The following SLC9A4 variants were observed in gnomAD, a reference collection of about 807,000 sequenced individuals.
SLC9A4 encodes sodium/hydrogen exchanger 4.
A neutral mutation model predicts 67.4 loss-of-function variants in SLC9A4; 63 were observed. The ratio of observed to expected loss-of-function variants is 0.93; its 90% confidence interval spans 0.76 to 1.15. The LOEUF is 1.15. Among genes scored for constraint, SLC9A4 ranks in the 50% most tolerant of loss-of-function variants. The pLI is 0.00. For synonymous variants in SLC9A4, 393 were observed against 367.2 expected, an observed-to-expected ratio of 1.07 and a Z score of -0.80; for missense variants, 1,089 against 987.7, an observed-to-expected ratio of 1.10 and a Z score of -1.38.
intron 11 of SLC9A4, among the ~76,000 whole-genome samples, chr2:102,528,511 C>G (rs1411415204): frequency 6.6e-6 from 1 of 151,982 alleles, no homozygotes; most frequent in Non-Finnish European, 1.5e-5. Context: ...AGGGATCCTC[C>G]TGCCTCGCCT....
intron 2 of SLC9A4, among the ~76,000 whole-genome samples, 195 bp from the exon 3 acceptor site, chr2:102,503,253 T>G (rs917647604): frequency 1.3e-5 from 2 of 152,258 alleles, no homozygotes; most frequent in African/African-American, 4.8e-5. Flanking sequence ...TTGTGAGTAT[T>G]ACACTTTTTA....
intron 8 of SLC9A4, among the ~76,000 whole-genome samples, chr2:102,519,469 T>A (rs1167398779): frequency 6.6e-6 from 1 of 152,238 alleles, no homozygotes; most frequent in Admixed American, 6.5e-5. Context: ...AATCATTTTT[T>A]TTCTGTTGCA....
chr2:102,520,442 G>C (rs1034110850), intron 9 of SLC9A4, among the ~76,000 whole-genome samples: 2 of 152,192 alleles, frequency 1.3e-5, no homozygotes, highest in African/African-American at 4.8e-5. Flanking sequence ...TTTGGAACTA[G>C]GTATGAAATC....
At chr2:102,506,180 A>G (rs1454250220) in intron 4 of SLC9A4, among the ~76,000 whole-genome samples, 2 of 152,250 alleles carry the variant, frequency 1.3e-5, no homozygotes, top group Non-Finnish European at 1.5e-5. Flanking sequence ...CTAGTGGCTG[A>G]TGATTTATCT....
intron 2 of SLC9A4, among the ~76,000 whole-genome samples, chr2:102,502,304 T>C (rs746478209): frequency 9.9e-5 from 15 of 152,066 alleles, no homozygotes; most frequent in Admixed American, 9.8e-4. Flanking sequence ...AAAATAAATG[T>C]TGAAATAAAT....
chr2:102,507,236 A>G (rs1350658206), intron 4 of SLC9A4, among the ~76,000 whole-genome samples: 3 of 152,252 alleles, frequency 2.0e-5, no homozygotes, highest in African/African-American at 7.2e-5. Context: ...TATCTTTTGC[A>G]CTATCCATGT....
chr2:102,476,968 G>T (rs1037970039), intron 1 of SLC9A4, among the ~76,000 whole-genome samples: 4 of 152,170 alleles, frequency 2.6e-5, no homozygotes, highest in African/African-American at 9.7e-5. Flanking sequence ...GTATTCCTTG[G>T]TGATAATTAT....
At chr2:102,521,444 C>T (rs190782617) in intron 9 of SLC9A4, among the ~76,000 whole-genome samples, 1 of 152,160 alleles carries the variant, frequency 6.6e-6, no homozygotes, top group African/African-American at 2.4e-5. Flanking sequence ...AAGTTTATTG[C>T]TGATGACCTT....
chr2:102,476,640 G>T (rs1404580937), intron 1 of SLC9A4, among the ~76,000 whole-genome samples: 1 of 152,018 alleles, frequency 6.6e-6, no homozygotes, highest in East Asian at 1.9e-4. Flanking sequence ...AAAAAGTTAA[G>T]TTTGGTTAAA....
chr2:102,502,706 A>G (rs1359700909), intron 2 of SLC9A4, among the ~76,000 whole-genome samples: 1 of 152,248 alleles, frequency 6.6e-6, no homozygotes, highest in African/African-American at 2.4e-5. Context: ...AGGCAGGGCC[A>G]GACATCAGTC....
Position 102,532,507 on chromosome 2 carries a change from G to T in SLC9A4, c.2216G>T (p.Gly739Val), listed in dbSNP as rs1347224494. ...ACAAGCCAAGAAGAGTACTTGGGTGGAGTAAGGAGGGTGGCCTTAAGACCC... is the reference window on the plus strand; with the variant it reads ...ACAAGCCAAGAAGAGTACTTGGGTGTAGTAAGGAGGGTGGCCTTAAGACCC... Reference protein sequence around the residue: ...RNTSQEEYLGGVRRVALRPKP... With the variant: ...RNTSQEEYLGVVRRVALRPKP... The change falls in exon 12 of 12, where the codon GGA becomes GTA. Residue 739 changes from glycine (G) to valine (V), a missense_variant. Gly to Val is a moderately radical substitution (Grantham distance 109, BLOSUM62 -3). Transcript: ENST00000295269. 5.6e-6 allele frequency: 9 copies of T among 1,614,044 alleles called. No individual in the cohort carries two copies. Among genetic ancestry groups the T allele is most frequent in the Non-Finnish European group, 6.8e-6 (8 of 1,180,022 alleles).
chr2:102,508,379 A>C (rs1685091807), intron 5 of SLC9A4, 98 bp downstream of exon 5: 1 of 1,148,874 alleles, frequency 8.7e-7, no homozygotes, highest in Non-Finnish European at 1.2e-6. Flanking sequence ...TGATTTTCAG[A>C]TCTGTGCTCA....
At chr2:102,482,609 A>G (rs754028202) in intron 2 of SLC9A4, among the ~76,000 whole-genome samples, 8 of 152,104 alleles carry the variant, frequency 5.3e-5, no homozygotes, top group Admixed American at 6.5e-5. Context: ...TTCCTAGTTC[A>G]TCTCCCAGAG....
intron 5 of SLC9A4, among the ~76,000 whole-genome samples, 157 bp downstream of exon 5, chr2:102,508,438 C>G (rs1422318444): frequency 6.6e-6 from 1 of 152,170 alleles, no homozygotes. Flanking sequence ...TTGTGACCAT[C>G]CTTTAACTTC....
At chr2:102,519,985 TTTTC>T (rs1685367105) in intron 9 of SLC9A4, 30 bp downstream of exon 9, 3 of 1,597,390 alleles carry the variant, frequency 1.9e-6, no homozygotes, top group Non-Finnish European at 1.7e-6. Context: ...GTTGTCCCCA[TTTTC>T]TGTCCTTGAA....
intron 2 of SLC9A4, among the ~76,000 whole-genome samples, chr2:102,484,550 A>G (rs1380088308): frequency 1.3e-5 from 2 of 152,298 alleles, no homozygotes; most frequent in East Asian, 3.9e-4. Context: ...AATGCTGGCC[A>G]TGACTTTGTA....
At chr2:102,486,643 G>C (rs530730565) in intron 2 of SLC9A4, among the ~76,000 whole-genome samples, 4 of 152,236 alleles carry the variant, frequency 2.6e-5, no homozygotes, top group Non-Finnish European at 4.4e-5. Flanking sequence ...ACTGTGTATG[G>C]GGGGCGTGGA....
At chr2:102,525,299 A>C in intron 10 of SLC9A4, 144 bp downstream of exon 10, 1 of 1,332,788 alleles carries the variant, frequency 7.5e-7, no homozygotes, top group African/African-American at 1.5e-5. Context: ...AGAGATACTA[A>C]AGCAAGAGTG....
At chr2:102,519,624 G>T (rs1685358297) in intron 8 of SLC9A4, among the ~76,000 whole-genome samples, 1 of 152,074 alleles carries the variant, frequency 6.6e-6, no homozygotes, top group South Asian at 2.1e-4. Flanking sequence ...TAAAAAAATG[G>T]GTTGGAATAA....
Sources: gnomAD v4.1 joint callset for allele counts (sites outside exome capture counted in the v4.1 genomes callset) on GRCh38, gnomAD v4.1.1 for gene constraint, MANE v1.5 for transcripts, NCBI Gene and HGNC (gene_info 2026-07-23, HGNC 2026-07-21) for gene names.